The following STAM2 variants were observed in gnomAD, a reference collection of about 807,000 sequenced individuals.
STAM2 encodes the protein signal transducing adaptor molecule 2.
STAM2 carries 51 observed loss-of-function variants against 65.6 expected under a neutral mutation model. The observed-to-expected ratio is 0.78, with a 90% CI of 0.62 to 0.98. STAM2 has a LOEUF of 0.98. Among genes scored for constraint, STAM2 ranks in the 50% least tolerant of loss-of-function variants. STAM2 has a pLI of 0.00. For missense variants in STAM2, 584 were observed against 617.8 expected, an observed-to-expected ratio of 0.95 and a Z score of 0.58; for synonymous variants, 198 against 208.4, an observed-to-expected ratio of 0.95 and a Z score of 0.43.
At chr2:152,138,683 C>T (rs966244023) in intron 7 of STAM2, among the ~76,000 whole-genome samples, 3 of 152,120 alleles carry the variant, frequency 2.0e-5, no homozygotes, top group Non-Finnish European at 4.4e-5. Context: ...ATATATCATC[C>T]AAGTTCTTAA....
At position 152,135,507 on chromosome 2, in the gene STAM2, AC is replaced by A. The variant is rs759482000; in HGVS notation, c.799+1del. 31 of 1,596,216 alleles carry A rather than the reference AC, an allele frequency of 1.9e-5. No individual in the cohort carries two copies. The highest frequency in any genetic ancestry group is 2.5e-5 in the Non-Finnish European group (29 of 1,167,788). On this transcript the variant is annotated splice_donor_variant, in intron 8 of 13. Transcript: ENST00000263904. LOFTEE classifies it high-confidence loss of function. Reference sequence around the variant, plus strand: ...TCTAATGTCGTCTAAGATTTAACTTACCTGCCTCAGTCTCTATGTTTAAATT... The same window carrying A: ...TCTAATGTCGTCTAAGATTTAACTTACTGCCTCAGTCTCTATGTTTAAATT...
At chr2:152,131,002 AAAAAAAAAG>A (rs1364505366) in intron 11 of STAM2, among the ~76,000 whole-genome samples, 1 of 151,444 alleles carries the variant, frequency 6.6e-6, no homozygotes. Context: ...TCTCAAAAAA[AAAAAAAAAG>A]AAAAAAAGAA....
intron 1 of STAM2, among the ~76,000 whole-genome samples, chr2:152,165,759 C>T (rs576530230): frequency 2.0e-5 from 3 of 152,012 alleles, no homozygotes; most frequent in East Asian, 1.9e-4. Flanking sequence ...AAATAGCTGC[C>T]GTGCTTAAAA....
intron 1 of STAM2, among the ~76,000 whole-genome samples, chr2:152,158,186 C>A (rs778971449): frequency 1.3e-5 from 2 of 152,100 alleles, no homozygotes; most frequent in Non-Finnish European, 2.9e-5. Context: ...TTTAAAAAGT[C>A]ATTAAATGGG....
Position 152,148,107 on chromosome 2 carries a change from C to T in STAM2, c.217G>A (p.Val73Met), listed in dbSNP as rs1689368920. 1 of 1,608,824 alleles carries T rather than the reference C, an allele frequency of 6.2e-7. No homozygotes were observed. Among genetic ancestry groups the T allele is most frequent in the East Asian group, 2.2e-5 (1 of 44,690 alleles). ...LQALTLLGACVANCGKIFHLE... is the reference protein window; with the variant it reads ...LQALTLLGACMANCGKIFHLE... ...TGAAATATCTTTCCACAGTTTGCCACACAAGCCCCAAGAAGCTATTAATTG... is the reference window on the plus strand; with the variant it reads ...TGAAATATCTTTCCACAGTTTGCCATACAAGCCCCAAGAAGCTATTAATTG... Residue 73 changes from valine (V) to methionine (M), a missense_variant, in exon 4 of 14, where the codon GTG becomes ATG. Transcript: ENST00000263904.
chr2:152,171,209 G>A (rs1439369332), intron 1 of STAM2, among the ~76,000 whole-genome samples: 3 of 151,950 alleles, frequency 2.0e-5, no homozygotes, highest in African/African-American at 7.3e-5. Flanking sequence ...GTATTTCACT[G>A]CATCTTGAAT....
intron 1 of STAM2, among the ~76,000 whole-genome samples, chr2:152,170,482 CAAAAAAAA>C (rs111603376): frequency 2.0e-5 from 2 of 101,876 alleles, no homozygotes; most frequent in Non-Finnish European, 4.4e-5. Flanking sequence ...GACTCCGTCT[CAAAAAAAA>C]AAAAAAAAGA....
At chr2:152,121,589 A>C (rs961947797) in intron 13 of STAM2, among the ~76,000 whole-genome samples, 5 of 152,250 alleles carry the variant, frequency 3.3e-5, no homozygotes, top group South Asian at 4.1e-4. Context: ...CTACTTTTAA[A>C]AGGAAAACAG....
chr2:152,128,345 G>A (rs551088796), intron 11 of STAM2, among the ~76,000 whole-genome samples: 7 of 152,074 alleles, frequency 4.6e-5, no homozygotes, highest in South Asian at 2.1e-4. Flanking sequence ...CCCAGGAGGC[G>A]GAGGTTACAG....
At chr2:152,125,235 C>A (rs1283549827) in intron 12 of STAM2, among the ~76,000 whole-genome samples, 1 of 152,284 alleles carries the variant, frequency 6.6e-6, no homozygotes, top group Non-Finnish European at 1.5e-5. Flanking sequence ...TCTTTTGCAG[C>A]CAGAAAAATC....
intron 11 of STAM2, among the ~76,000 whole-genome samples, chr2:152,127,357 G>A (rs977181687): frequency 6.6e-6 from 1 of 151,760 alleles, no homozygotes; most frequent in Non-Finnish European, 1.5e-5. Context: ...TCATAATTTC[G>A]GTGCTGAGAG....
At chr2:152,161,099 G>T (rs1428059835) in intron 1 of STAM2, among the ~76,000 whole-genome samples, 2 of 152,202 alleles carry the variant, frequency 1.3e-5, no homozygotes, top group East Asian at 3.8e-4. Context: ...GATGGTTGCC[G>T]TGTCTGTGTA....
At position 152,135,521 on chromosome 2, in the gene STAM2, C is replaced by CT. The variant is rs767609902; in HGVS notation, c.786dup (p.Glu263ArgfsTer3). ...AGATTTAACTTACCTGCCTCAGTCT[C>CT]TATGTTTAAATTAGTTGTTACAAAA... On this transcript the variant is annotated frameshift_variant, in exon 8 of 14. Coordinates refer to ENST00000263904, the MANE Select transcript of STAM2 (RefSeq NM_005843.6). LOFTEE classifies it high-confidence loss of function. 6.8e-6 allele frequency: 11 copies of CT among 1,609,092 alleles called. No homozygotes were observed. Among genetic ancestry groups the CT allele is most frequent in the Non-Finnish European group, 9.3e-6 (11 of 1,177,220 alleles).
At chr2:152,169,817 T>TTTC (rs1341162676) in intron 1 of STAM2, among the ~76,000 whole-genome samples, 26 of 150,814 alleles carry the variant, frequency 1.7e-4, no homozygotes, top group African/African-American at 6.1e-4. Flanking sequence ...AGGAGGGAAA[T>TTTC]CAACAAACAC....
At chr2:152,126,586 G>A (rs1013144158) in intron 11 of STAM2, among the ~76,000 whole-genome samples, 28 of 152,118 alleles carry the variant, frequency 1.8e-4, no homozygotes, top group African/African-American at 6.5e-4. Flanking sequence ...CAGGAGAATA[G>A]GGTCTGGAGG....
At chr2:152,126,131 G>T in intron 12 of STAM2, 95 bp downstream of exon 12, 2 of 1,044,982 alleles carry the variant, frequency 1.9e-6, no homozygotes, top group Non-Finnish European at 2.5e-6. Context: ...TTTATTCACA[G>T]ACAAAAGAAA....
chr2:152,170,257 G>A (rs1057121101), intron 1 of STAM2, among the ~76,000 whole-genome samples: 19 of 150,398 alleles, frequency 1.3e-4, no homozygotes, highest in East Asian at 2.0e-4. Context: ...CAAGACGGGC[G>A]GATCACGAGG....
chr2:152,147,106 C>A, intron 5 of STAM2, 56 bp downstream of exon 5: 1 of 1,491,260 alleles, frequency 6.7e-7, no homozygotes, highest in Non-Finnish European at 8.9e-7. Context: ...CTTTACATAA[C>A]ATACATACCT....
chr2:152,169,602 A>C (rs1689862416), intron 1 of STAM2, among the ~76,000 whole-genome samples: 1 of 152,184 alleles, frequency 6.6e-6, no homozygotes, highest in South Asian at 2.1e-4. Flanking sequence ...AATAAAAGTA[A>C]TGAGCAGGCA....
Sources: allele counts gnomAD v4.1 joint callset (sites outside exome capture counted in the v4.1 genomes callset), GRCh38; gene constraint gnomAD v4.1.1; transcripts MANE v1.5; gene names NCBI Gene and HGNC (gene_info 2026-07-23, HGNC 2026-07-21).